Variants in NEDD1 observed in about 807,000 individuals in gnomAD.
The protein encoded by NEDD1 is NEDD1 gamma-tubulin ring complex targeting factor, also known as protein NEDD1.
NEDD1 carries 33 observed loss-of-function variants against 74.0 expected under a neutral mutation model. The observed-to-expected ratio is 0.45, with a 90% CI of 0.34 to 0.60. The LOEUF is 0.60. Ranked by LOEUF, NEDD1 falls within the 20% of genes least tolerant of loss-of-function variation. The pLI is 0.01. For synonymous variants in NEDD1, 250 were observed against 264.4 expected, an observed-to-expected ratio of 0.95 and a Z score of 0.53; for missense variants, 746 against 776.5, an observed-to-expected ratio of 0.96 and a Z score of 0.47.
chr12:96,928,632 C>G (rs1042954871), intron 6 of NEDD1, among the ~76,000 whole-genome samples: 1 of 137,044 alleles, frequency 7.3e-6, no homozygotes, highest in African/African-American at 2.7e-5. Flanking sequence ...TAGAATATGT[C>G]TTGATGTTGG....
At chr12:96,950,442 G>A (rs1056962838) in intron 14 of NEDD1, among the ~76,000 whole-genome samples, 3 of 151,906 alleles carry the variant, frequency 2.0e-5, no homozygotes, top group Non-Finnish European at 4.4e-5. Flanking sequence ...GATAATACAT[G>A]ATTGTTTATA....
Position 96,942,616 on chromosome 12 carries a change from A to G in NEDD1, c.1286A>G (p.Lys429Arg). 6.7e-7 allele frequency: 1 copy of G among 1,493,416 alleles called. No homozygotes were observed. The highest frequency in any genetic ancestry group is 1.7e-5 in the Admixed American group (1 of 59,286). The allele number at this position is 1,493,416 out of a possible 1,614,324, so 92.5% of individuals were successfully genotyped here. Residue 429 changes from lysine to arginine, a missense_variant, in exon 11 of 16, where the codon AAA (lysine) becomes AGA (arginine). Physicochemically the swap from Lys to Arg is conservative, Grantham distance 26. Coordinates refer to ENST00000266742, the MANE Select transcript of NEDD1 (RefSeq NM_152905.4). ...AAGGGAAGTGATGAGTCCATAGGCAAAGGAGATGGTAAGAACTACTTAGAA... is the reference window on the plus strand; with the variant it reads ...AAGGGAAGTGATGAGTCCATAGGCAGAGGAGATGGTAAGAACTACTTAGAA... ...VNKGSDESIG[K>R]GDGFDFLPQL...
chr12:96,937,036 TAAA>T (rs1877181703), intron 8 of NEDD1, among the ~76,000 whole-genome samples, 159 bp from the exon 9 acceptor site: 1 of 152,050 alleles, frequency 6.6e-6, no homozygotes. Flanking sequence ...AAAAGTATTT[TAAA>T]AGACATTTTA....
chr12:96,943,790 C>T lies in NEDD1; in HGVS notation c.1497+28C>T, dbSNP rs776446157. 9.0e-6 allele frequency: 13 copies of T among 1,439,076 alleles called. 1 individual carries two copies. In the South Asian group the frequency reaches 1.2e-4, roughly 13 times the overall value. The allele number at this position is 1,439,076 out of a possible 1,614,324, so 89.1% of individuals were successfully genotyped here. On this transcript the variant is annotated intron_variant, in intron 12 of 15. Coordinates refer to ENST00000266742, the MANE Select transcript of NEDD1 (RefSeq NM_152905.4). ...ATTTGCCTGAAAATGATACTGAACTCACTGTATGTGTTTATCAGTAGAAAG... is the reference window on the plus strand; with the variant it reads ...ATTTGCCTGAAAATGATACTGAACTTACTGTATGTGTTTATCAGTAGAAAG...
Position 96,942,618 on chromosome 12 carries a change from G to A in NEDD1, c.1288G>A (p.Gly430Arg), listed in dbSNP as rs779622086. 8 of 1,487,920 alleles carry A rather than the reference G, an allele frequency of 5.4e-6. No individual in the cohort carries two copies. The African/African-American group carries it at 1.1e-4, about 21-fold the overall frequency. 92.2% of individuals were successfully genotyped at this position (1,487,920 alleles called of 1,614,324 possible). A position where few individuals can be genotyped will look rare whatever the true frequency, so the allele number is the denominator to read the frequency against. ...GGGAAGTGATGAGTCCATAGGCAAAGGAGATGGTAAGAACTACTTAGAAGT... is the reference window on the plus strand; with the variant it reads ...GGGAAGTGATGAGTCCATAGGCAAAAGAGATGGTAAGAACTACTTAGAAGT... Reference protein sequence around the residue: ...NKGSDESIGKGDGFDFLPQLN... With the variant: ...NKGSDESIGKRDGFDFLPQLN... Residue 430 changes from glycine (G) to arginine (R), a missense_variant, in exon 11 of 16, where the codon GGA becomes AGA. Physicochemically the swap from Gly to Arg is moderately radical, Grantham distance 125. Transcript: ENST00000266742.
chr12:96,938,270 G>C (rs1037107940), intron 9 of NEDD1, among the ~76,000 whole-genome samples: 1 of 151,812 alleles, frequency 6.6e-6, no homozygotes, highest in Non-Finnish European at 1.5e-5. Flanking sequence ...TTATATAAGA[G>C]CCATTATATA....
At chr12:96,907,485 G>A (rs1482150561) in intron 1 of NEDD1, 119 bp from the exon 2 acceptor site, 3 of 834,874 alleles carry the variant, frequency 3.6e-6, no homozygotes, top group Non-Finnish European at 2.0e-6. Flanking sequence ...CCGGGGAGGC[G>A]CGGGCCGGGG....
chr12:96,951,532 A>G, intron 15 of NEDD1, 34 bp downstream of exon 15: 1 of 1,075,820 alleles, frequency 9.3e-7, no homozygotes, highest in Non-Finnish European at 1.4e-6. Flanking sequence ...AATATTTTAA[A>G]TGAAAGTAGA....
intron 9 of NEDD1, among the ~76,000 whole-genome samples, 187 bp from the exon 10 acceptor site, chr12:96,940,222 T>C (rs1244580803): frequency 6.6e-6 from 1 of 151,246 alleles, no homozygotes; most frequent in Non-Finnish European, 1.5e-5. Context: ...TCTTGTCATA[T>C]TCTGTTTTAT....
intron 11 of NEDD1, among the ~76,000 whole-genome samples, chr12:96,942,928 T>C (rs906809847): frequency 6.6e-6 from 1 of 151,976 alleles, no homozygotes; most frequent in African/African-American, 2.4e-5. Context: ...CCAATGAGCT[T>C]CTTTATATAT....
chr12:96,934,725 A>G (rs1313633748), intron 6 of NEDD1, among the ~76,000 whole-genome samples: 1 of 151,952 alleles, frequency 6.6e-6, no homozygotes, highest in Admixed American at 6.6e-5. Context: ...TTTAATAAAG[A>G]TGGGGTTTCA....
intron 7 of NEDD1, 118 bp downstream of exon 7, chr12:96,935,323 A>G (rs938203713): frequency 3.6e-5 from 23 of 642,360 alleles, no homozygotes; most frequent in African/African-American, 2.7e-4. Flanking sequence ...AAGTTTGTAC[A>G]GTTGATGGAT....
At chr12:96,932,514 TTTATATATATAAA>T (rs1418305241) in intron 6 of NEDD1, among the ~76,000 whole-genome samples, 1 of 101,286 alleles carries the variant, frequency 9.9e-6, no homozygotes, top group Non-Finnish European at 2.0e-5. Context: ...AGTAAATATA[TTTATATATATAAA>T]TTATATATAT....
At chr12:96,942,711 GGCTTAAA>G in intron 11 of NEDD1, 87 bp downstream of exon 11, 2 of 720,466 alleles carry the variant, frequency 2.8e-6, no homozygotes, top group Admixed American at 4.7e-5. Flanking sequence ...AACACTTTGA[GGCTTAAA>G]AAAATAAACA....
At chr12:96,911,710 A>T (rs1427634426) in intron 3 of NEDD1, among the ~76,000 whole-genome samples, 4 of 152,198 alleles carry the variant, frequency 2.6e-5, no homozygotes, top group African/African-American at 9.6e-5. Context: ...GGAGAAAAGT[A>T]GTGGTAAACA....
intron 6 of NEDD1, among the ~76,000 whole-genome samples, chr12:96,930,738 G>A (rs1365857804): frequency 6.6e-6 from 1 of 152,098 alleles, no homozygotes; most frequent in Non-Finnish European, 1.5e-5. Context: ...ACCCAAGTTC[G>A]CAGATGCTAG....
Position 96,945,838 on chromosome 12 carries a change from G to A in NEDD1, c.1800G>A (p.Leu600=), listed in dbSNP as rs763382775. The A allele has an allele frequency of 3.7e-6, 6 of 1,608,710 alleles. No homozygotes were observed. In the East Asian group the frequency reaches 1.1e-4, roughly 30 times the overall value. ...RFIQNMIQET[L]DDFREACHRD... is the part of the protein sequence containing the mutation. ...TTCAGAACATGATACAGGAAACGTT[G>A]GATGACTTTAGGTAGTAATTGAGAA... The change falls in exon 14 of 16, where the codon TTG becomes TTA. Residue 600 remains leucine, a synonymous_variant. Transcript: ENST00000266742.
intron 6 of NEDD1, among the ~76,000 whole-genome samples, chr12:96,925,512 G>A (rs1425107593): frequency 6.6e-6 from 1 of 152,290 alleles, no homozygotes; most frequent in East Asian, 1.9e-4. Context: ...CAGCTCTTCA[G>A]AAGTGGTAGC....
chr12:96,929,554 T>TAC (rs1491227242), intron 6 of NEDD1, among the ~76,000 whole-genome samples: 3 of 82,940 alleles, frequency 3.6e-5, no homozygotes, highest in Admixed American at 1.5e-4. Flanking sequence ...TGTTTTCATG[T>TAC]ATACACACAC....
Sources: gnomAD v4.1 joint callset for allele counts (sites outside exome capture counted in the v4.1 genomes callset) on GRCh38, gnomAD v4.1.1 for gene constraint, MANE v1.5 for transcripts, NCBI Gene and HGNC (gene_info 2026-07-23, HGNC 2026-07-21) for gene names.